Variants in ERC2 observed in about 807,000 individuals in gnomAD.
The protein encoded by ERC2 is ELKS/RAB6-interacting/CAST family member 2, also known as ERC protein 2.
In ERC2, 42 loss-of-function variants were observed where a neutral mutation model predicts 114.8. The observed-to-expected ratio is 0.37, with a 90% confidence interval of 0.29 to 0.47. The LOEUF is 0.47. Ranked by LOEUF, ERC2 falls within the 20% of genes least tolerant of loss-of-function variation. The probability of loss-of-function intolerance (pLI) is 0.99; values close to 1 mark genes in which losing one functional copy is unlikely to be tolerated. For synonymous variants in ERC2, 454 were observed against 425.5 expected (o/e 1.07, Z -0.82); for missense variants, 939 against 1,150.7 (o/e 0.82, Z 2.66).
rs1553925667 is a variant in ERC2, at chr3:56,341,231, TTACAAA to T, written c.658-44802_658-44797del. Among the ~76,000 whole-genome samples, 85 of 152,314 alleles carry T rather than the reference TTACAAA, an allele frequency of 5.6e-4. No individual in the cohort carries two copies. The Middle Eastern group carries it at 0.014, about 24-fold the overall frequency. On this transcript the variant is annotated intron_variant, in intron 2 of 17. Coordinates refer to ENST00000288221, the MANE Select transcript of ERC2 (RefSeq NM_015576.3). ...CCTGCCCCCTCCACCTTCCTCCATC[TTACAAA>T]GGCTATTCTAAGGTGAACTGGTTGG... is the stretch of plus-strand genomic sequence containing the variant.
intron 17 of ERC2, among the ~76,000 whole-genome samples, chr3:55,570,156 G>A (rs944748431): frequency 5.3e-5 from 8 of 151,968 alleles, no homozygotes; most frequent in Admixed American, 2.0e-4. Flanking sequence ...CATCATGCCC[G>A]ACCCCCCATT....
chr3:55,689,467 T>G (rs2062517455), intron 16 of ERC2, among the ~76,000 whole-genome samples: 1 of 152,098 alleles, frequency 6.6e-6, no homozygotes, highest in African/African-American at 2.4e-5. Context: ...CAACATCTGC[T>G]AAAAGCGGAA....
At position 56,111,579 on chromosome 3, in the gene ERC2, C is replaced by T. The variant is rs1227947186; in HGVS notation, c.1473+27930G>A. Among the ~76,000 whole-genome samples, 6 of 152,162 alleles carry T rather than the reference C, an allele frequency of 3.9e-5. No individual in the cohort carries two copies. The East Asian group carries it at 9.6e-4, about 24-fold the overall frequency. On this transcript the variant is annotated intron_variant, in intron 6 of 17. Coordinates refer to ENST00000288221, the MANE Select transcript of ERC2 (RefSeq NM_015576.3). ...GGCACTTTACGGAGCAGACCACTTA[C>T]AGCAGCACCCACACAAGACAAAGCT...
intron 2 of ERC2, among the ~76,000 whole-genome samples, chr3:56,378,553 C>G (rs2059632881): frequency 1.5e-5 from 2 of 131,882 alleles, no homozygotes; most frequent in African/African-American, 2.9e-5. Context: ...CACATGTACC[C>G]TAAAACTTAA....
intron 2 of ERC2, among the ~76,000 whole-genome samples, chr3:56,314,100 C>CT (rs2056750863): frequency 1.3e-4 from 20 of 152,054 alleles, no homozygotes; most frequent in Admixed American, 1.2e-3. Context: ...TTTACTATCC[C>CT]AAATTAAGAT....
chr3:56,394,962 C>T (rs185184985), intron 2 of ERC2, among the ~76,000 whole-genome samples: 5 of 151,298 alleles, frequency 3.3e-5, no homozygotes, highest in Admixed American at 2.0e-4. Context: ...ATCCATACAA[C>T]GGAATATTAT....
chr3:56,038,590 C>T (rs1170388234), intron 7 of ERC2, among the ~76,000 whole-genome samples: 5 of 152,140 alleles, frequency 3.3e-5, no homozygotes, highest in African/African-American at 1.2e-4. Flanking sequence ...TGGTTATATA[C>T]CCAAAGGAAT....
chr3:55,794,961 C>A (rs1381442265), intron 14 of ERC2, among the ~76,000 whole-genome samples: 1 of 151,992 alleles, frequency 6.6e-6, no homozygotes, highest in Admixed American at 6.6e-5. Context: ...TTTCTTTTTT[C>A]TTAGGTAATA....
chr3:55,547,698 G>C (rs1347749650), intron 17 of ERC2, among the ~76,000 whole-genome samples: 1 of 152,226 alleles, frequency 6.6e-6, no homozygotes, highest in East Asian at 1.9e-4. Context: ...GGGAGGAGGA[G>C]AGGTGGGGGC....
chr3:55,683,773 A>G (rs372961628), intron 17 of ERC2, 21 bp downstream of exon 17: 69 of 1,587,938 alleles, frequency 4.3e-5, no homozygotes, highest in East Asian at 3.4e-4. Flanking sequence ...AATAAAAATG[A>G]TATAAAAGAT....
rs79050536 is a variant in ERC2, at chr3:55,748,323, C to T, written c.2565-13405G>A. On this transcript the variant is annotated intron_variant, in intron 14 of 17. Transcript: ENST00000288221. ...ACCATCCAGGTGGTCAGAGGCAGTT[C>T]ATCAATTTCTCCAACTCATTCACCA... is the stretch of plus-strand genomic sequence containing the variant. Among the ~76,000 whole-genome samples, 16 of 152,308 alleles carry T rather than the reference C, an allele frequency of 1.1e-4. No individual in the cohort carries two copies. The East Asian group carries it at 3.1e-3, about 29-fold the overall frequency.
At chr3:55,734,710 C>A in intron 15 of ERC2, 61 bp downstream of exon 15, 1 of 1,548,448 alleles carries the variant, frequency 6.5e-7, no homozygotes, top group Non-Finnish European at 8.7e-7. Flanking sequence ...GGCTAAAATC[C>A]AGAGAAAGCC....
intron 17 of ERC2, among the ~76,000 whole-genome samples, chr3:55,618,601 C>G (rs2059213082): frequency 6.6e-6 from 1 of 152,084 alleles, no homozygotes; most frequent in Admixed American, 6.6e-5. Context: ...ATTATAAAAA[C>G]ATTTATAATA....
chr3:56,222,976 C>A (rs2050015681), intron 3 of ERC2, among the ~76,000 whole-genome samples: 1 of 152,218 alleles, frequency 6.6e-6, no homozygotes, highest in Non-Finnish European at 1.5e-5. Flanking sequence ...TCATACTTGT[C>A]TCCTCCCTCT....
intron 14 of ERC2, among the ~76,000 whole-genome samples, chr3:55,830,756 C>T (rs1434531409): frequency 6.6e-6 from 1 of 152,056 alleles, no homozygotes; most frequent in Non-Finnish European, 1.5e-5. Context: ...TCAGCTTGGG[C>T]AACATAGCAA....
At chr3:56,120,210 G>C (rs1286812237) in intron 6 of ERC2, among the ~76,000 whole-genome samples, 3 of 152,132 alleles carry the variant, frequency 2.0e-5, no homozygotes, top group Non-Finnish European at 4.4e-5. Flanking sequence ...TGGCAACACT[G>C]GGCCTCTGGT....
At chr3:55,640,908 G>A (rs1391505105) in intron 17 of ERC2, among the ~76,000 whole-genome samples, 4 of 152,114 alleles carry the variant, frequency 2.6e-5, no homozygotes, top group South Asian at 2.1e-4. Flanking sequence ...TGTGGGGAGC[G>A]AACACGACAT....
chr3:56,074,117 T>C (rs1431013346), intron 7 of ERC2, among the ~76,000 whole-genome samples: 1 of 152,120 alleles, frequency 6.6e-6, no homozygotes, highest in African/African-American at 2.4e-5. Flanking sequence ...GTTTAGCTAA[T>C]CTGTAAAAGT....
At chr3:55,675,814 T>C (rs1033915923) in intron 17 of ERC2, among the ~76,000 whole-genome samples, 4 of 151,826 alleles carry the variant, frequency 2.6e-5, no homozygotes, top group Admixed American at 1.3e-4. Context: ...TTATTAATAA[T>C]TCTTTTAGAA....
Sources: allele counts gnomAD v4.1 joint callset (sites outside exome capture counted in the v4.1 genomes callset), GRCh38; gene constraint gnomAD v4.1.1; transcripts MANE v1.5; gene names NCBI Gene and HGNC (gene_info 2026-07-23, HGNC 2026-07-21).